Variants in EVI5 observed in about 807,000 individuals in gnomAD.
EVI5 encodes ecotropic viral integration site 5 protein homolog.
Under a neutral mutation model 112.0 loss-of-function variants are expected in EVI5, and 73 were observed. That is an observed-to-expected ratio of 0.65 (90% CI 0.54 to 0.79). The LOEUF (loss-of-function observed/expected upper bound fraction) is 0.79. Ranked by LOEUF, EVI5 falls within the 30% of genes least tolerant of loss-of-function variation. The probability of loss-of-function intolerance (pLI) is 0.00; values close to 1 mark genes in which losing one functional copy is unlikely to be tolerated. For missense variants in EVI5, 900 were observed against 968.8 expected, an observed-to-expected ratio of 0.93 and a Z score of 0.94; for synonymous variants, 305 against 319.9, an observed-to-expected ratio of 0.95 and a Z score of 0.50.
intron 1 of EVI5, among the ~76,000 whole-genome samples, chr1:92,768,034 C>G (rs900780445): frequency 2.7e-5 from 4 of 149,718 alleles, no homozygotes; most frequent in African/African-American, 9.9e-5. Flanking sequence ...GAGCCAAGAT[C>G]ACACCACTGC....
rs367918523 is a variant in EVI5, at chr1:92,594,175, C to G, written c.2070+11132G>C. ...ACCTGACTTCAAATTATACTACAAG[C>G]CTACAGTAACCAAAACAGCATGGTA... On this transcript the variant is annotated intron_variant, in intron 18 of 19. Transcript: ENST00000684568. Among the ~76,000 whole-genome samples the G allele has an allele frequency of 1.1e-4, 17 of 152,234 alleles. No individual in the cohort carries two copies. In the East Asian group the frequency reaches 2.3e-3, roughly 21 times the overall value.
At chr1:92,575,178 T>C (rs936708881) in intron 18 of EVI5, among the ~76,000 whole-genome samples, 7 of 152,204 alleles carry the variant, frequency 4.6e-5, no homozygotes, top group African/African-American at 1.4e-4. Flanking sequence ...ATGACACCCA[T>C]ATACCCTTCA....
intron 19 of EVI5, among the ~76,000 whole-genome samples, chr1:92,545,906 C>T (rs1301591589): frequency 6.6e-6 from 1 of 151,732 alleles, no homozygotes; most frequent in Admixed American, 6.6e-5. Flanking sequence ...CTTGAAATAT[C>T]CTCTATTCTC....
intron 5 of EVI5, among the ~76,000 whole-genome samples, chr1:92,699,057 T>G (rs967293140): frequency 6.6e-6 from 1 of 152,218 alleles, no homozygotes; most frequent in Admixed American, 6.5e-5. Flanking sequence ...TCTCCAGGCC[T>G]TCTTCTTACT....
At chr1:92,534,408 T>C (rs1663445255) in intron 19 of EVI5, among the ~76,000 whole-genome samples, 1 of 152,194 alleles carries the variant, frequency 6.6e-6, no homozygotes, top group Admixed American at 6.5e-5. Context: ...ATTGACTTTC[T>C]TCAAATAATT....
chr1:92,765,209 TC>T (rs1483716071), intron 1 of EVI5, among the ~76,000 whole-genome samples: 1 of 139,766 alleles, frequency 7.2e-6, no homozygotes, highest in African/African-American at 2.6e-5. Flanking sequence ...GCATTTTTTT[TC>T]CTTCCTTTTT....
At chr1:92,577,240 T>G (rs901138734) in intron 18 of EVI5, among the ~76,000 whole-genome samples, 1 of 152,220 alleles carries the variant, frequency 6.6e-6, no homozygotes, top group Non-Finnish European at 1.5e-5. Flanking sequence ...CTGTCAGGCA[T>G]AGGCAGACTT....
At chr1:92,625,588 A>G (rs1232753437) in intron 15 of EVI5, 1 of 458,868 alleles carries the variant, frequency 2.2e-6, no homozygotes, top group Non-Finnish European at 3.9e-6. Context: ...TGTCTACTGT[A>G]TCTTTTATTT....
chr1:92,709,855 A>T (rs1308246366), intron 2 of EVI5, among the ~76,000 whole-genome samples: 1 of 152,046 alleles, frequency 6.6e-6, no homozygotes, highest in Non-Finnish European at 1.5e-5. Context: ...GCTTTTAAAC[A>T]GGTTTCCACC....
intron 13 of EVI5, among the ~76,000 whole-genome samples, chr1:92,661,303 C>G (rs184793409): frequency 6.6e-6 from 1 of 151,950 alleles, no homozygotes; most frequent in Non-Finnish European, 1.5e-5. Flanking sequence ...ACTTTCTAGC[C>G]GTAATATGCT....
chr1:92,705,733 T>C (rs1318801647), intron 2 of EVI5, among the ~76,000 whole-genome samples: 1 of 152,232 alleles, frequency 6.6e-6, no homozygotes, highest in African/African-American at 2.4e-5. Flanking sequence ...GCTCTATCAC[T>C]ATTTTATATA....
At chr1:92,589,957 C>G (rs1374648751) in intron 18 of EVI5, among the ~76,000 whole-genome samples, 1 of 152,144 alleles carries the variant, frequency 6.6e-6, no homozygotes, top group African/African-American at 2.4e-5. Context: ...TGCTGTTCAC[C>G]AATATCCGCT....
intron 18 of EVI5, among the ~76,000 whole-genome samples, chr1:92,592,621 G>A (rs968619134): frequency 2.6e-5 from 4 of 152,126 alleles, no homozygotes; most frequent in Admixed American, 6.5e-5. Flanking sequence ...AAAAATCAAT[G>A]AATCCAGGAG....
intron 6 of EVI5, among the ~76,000 whole-genome samples, chr1:92,695,735 A>AG (rs1421407514): frequency 1.3e-5 from 2 of 152,204 alleles, no homozygotes; most frequent in African/African-American, 4.8e-5. Flanking sequence ...GGTGGATACA[A>AG]GAGTGACTGA....
intron 2 of EVI5, among the ~76,000 whole-genome samples, chr1:92,734,050 T>C (rs1317640128): frequency 6.6e-6 from 1 of 152,204 alleles, no homozygotes; most frequent in Non-Finnish European, 1.5e-5. Flanking sequence ...ACGCCTAGCA[T>C]CATGGGGGCC....
At chr1:92,756,519 T>C (rs1680972994) in intron 1 of EVI5, 3 of 532,490 alleles carry the variant, frequency 5.6e-6, no homozygotes, top group Non-Finnish European at 1.2e-5. Context: ...ACTCCTGGTA[T>C]TTCTTAGTGC....
At chr1:92,681,395 T>G (rs1558058623) in intron 9 of EVI5, among the ~76,000 whole-genome samples, 1 of 152,148 alleles carries the variant, frequency 6.6e-6, no homozygotes, top group Non-Finnish European at 1.5e-5. Flanking sequence ...TGGGATGAAA[T>G]GTAAACAATT....
chr1:92,663,248 A>G (rs754984618), intron 12 of EVI5, among the ~76,000 whole-genome samples, 172 bp downstream of exon 12: 2 of 152,236 alleles, frequency 1.3e-5, no homozygotes, highest in African/African-American at 4.8e-5. Flanking sequence ...AAACCAAGAT[A>G]ACACCTTGTT....
rs371237391 is a variant in EVI5, at chr1:92,593,675, C to T, written c.2070+11632G>A. 3.9e-3 allele frequency among the ~76,000 whole-genome samples: 599 copies of T among 152,178 alleles called. 3 individuals are homozygous for T. The highest frequency in any genetic ancestry group is 0.013 in the African/African-American group (543 of 41,510). ...TGATTGTATATCTAGAAAACCCCAT[C>T]GTCTCAGCCCAAAATCTCCTTAAGC... On this transcript the variant is annotated intron_variant, in intron 18 of 19. Coordinates refer to ENST00000684568, the MANE Select transcript of EVI5 (RefSeq NM_001350197.2).
Sources: allele counts gnomAD v4.1 joint callset (sites outside exome capture counted in the v4.1 genomes callset), GRCh38; gene constraint gnomAD v4.1.1; transcripts MANE v1.5; gene names NCBI Gene and HGNC (gene_info 2026-07-23, HGNC 2026-07-21).